MAML3: variants seen among roughly 807,000 people sequenced by gnomAD.
The protein encoded by MAML3 is mastermind like transcriptional coactivator 3.
Under a neutral mutation model 101.9 loss-of-function variants are expected in MAML3, and 27 were observed. That is an observed-to-expected ratio of 0.27 (90% CI 0.20 to 0.37). The LOEUF is 0.37. Among genes scored for constraint, MAML3 ranks in the 10% least tolerant of loss-of-function variants. The pLI is 1.00. For synonymous variants in MAML3, 501 were observed against 555.9 expected (o/e 0.90, Z 1.39); for missense variants, 1,316 against 1,444.9 (o/e 0.91, Z 1.45).
chr4:140,055,834 C>G (rs1487348328), intron 1 of MAML3, among the ~76,000 whole-genome samples: 1 of 149,378 alleles, frequency 6.7e-6, no homozygotes, highest in Admixed American at 6.7e-5. Flanking sequence ...ACACTGGTCA[C>G]CAAATGAAGG....
chr4:139,767,171 A>T (rs763094701), intron 2 of MAML3, among the ~76,000 whole-genome samples: 6 of 152,234 alleles, frequency 3.9e-5, no homozygotes, highest in Non-Finnish European at 7.3e-5. Flanking sequence ...TAACCAAAAA[A>T]GTCCACATTG....
intron 1 of MAML3, among the ~76,000 whole-genome samples, chr4:140,091,722 G>T (rs917951323): frequency 6.6e-6 from 1 of 152,002 alleles, no homozygotes; most frequent in East Asian, 1.9e-4. Flanking sequence ...TAGTTCAAGG[G>T]TTTGTTTAGT....
intron 2 of MAML3, among the ~76,000 whole-genome samples, chr4:139,749,570 C>T (rs1729433762): frequency 6.6e-6 from 1 of 152,144 alleles, no homozygotes; most frequent in Non-Finnish European, 1.5e-5. Flanking sequence ...GGGCGCCGAT[C>T]AGAGAAATCT....
intron 1 of MAML3, among the ~76,000 whole-genome samples, chr4:140,090,594 C>T (rs1728027188): frequency 1.3e-5 from 2 of 152,182 alleles, no homozygotes; most frequent in South Asian, 4.1e-4. Flanking sequence ...GGTCAACTGG[C>T]CCGTGGGTGG....
At chr4:139,940,184 T>C (rs1733576544) in intron 1 of MAML3, among the ~76,000 whole-genome samples, 1 of 152,206 alleles carries the variant, frequency 6.6e-6, no homozygotes, top group African/African-American at 2.4e-5. Flanking sequence ...AGGTGTATCC[T>C]TACAGTCTTC....
intron 1 of MAML3, among the ~76,000 whole-genome samples, chr4:139,960,071 A>G (rs969870004): frequency 1.3e-5 from 2 of 152,154 alleles, no homozygotes; most frequent in Non-Finnish European, 2.9e-5. Context: ...GAGGAAAGGA[A>G]AGCTCGTGAT....
At chr4:140,127,618 A>G (rs1365778872) in intron 1 of MAML3, among the ~76,000 whole-genome samples, 2 of 152,168 alleles carry the variant, frequency 1.3e-5, no homozygotes, top group Non-Finnish European at 2.9e-5. Flanking sequence ...GCCTGCCATC[A>G]TGAGGCACAA....
chr4:140,138,559 G>T (rs904569858), intron 1 of MAML3, among the ~76,000 whole-genome samples: 7 of 152,114 alleles, frequency 4.6e-5, no homozygotes, highest in Admixed American at 4.6e-4. Context: ...AACCCATGAG[G>T]TGCTGATCTG....
chr4:139,822,266 A>ACCACCC, intron 2 of MAML3, among the ~76,000 whole-genome samples: 1 of 131,626 alleles, frequency 7.6e-6, no homozygotes, highest in Non-Finnish European at 1.6e-5. Flanking sequence ...CACCACCACC[A>ACCACCC]CCACCATCAT....
intron 1 of MAML3, among the ~76,000 whole-genome samples, chr4:139,936,885 A>G (rs1276922403): frequency 6.6e-6 from 1 of 152,162 alleles, no homozygotes; most frequent in African/African-American, 2.4e-5. Context: ...TCAAGAACCA[A>G]GGCCATTAGA....
intron 4 of MAML3, among the ~76,000 whole-genome samples, chr4:139,724,867 TTGTGCCTCAACC>T (rs1728401769): frequency 6.6e-6 from 1 of 151,956 alleles, no homozygotes; most frequent in Non-Finnish European, 1.5e-5. Context: ...CAAGCGATTC[TTGTGCCTCAACC>T]TCCTAAGTAA....
intron 1 of MAML3, among the ~76,000 whole-genome samples, chr4:139,894,724 C>T (rs961425469): frequency 4.8e-4 from 39 of 80,780 alleles, no homozygotes; most frequent in Non-Finnish European, 9.6e-4. Flanking sequence ...TAGAATTTGA[C>T]GGAAAAAAAA....
chr4:139,956,362 A>G (rs1186612602), intron 1 of MAML3, among the ~76,000 whole-genome samples: 1 of 152,220 alleles, frequency 6.6e-6, no homozygotes, highest in Non-Finnish European at 1.5e-5. Context: ...TCATTGCTTC[A>G]TCGTTCTTAA....
chr4:139,877,298 AAATAT>A (rs34634175), intron 2 of MAML3, among the ~76,000 whole-genome samples: 52,164 of 151,476 alleles, frequency 0.34, 9,539 homozygotes, highest in Non-Finnish European at 0.41. Context: ...CCAGGAACCA[AAATAT>A]AATAGAGTAT....
At chr4:139,727,279 G>T (rs1216189877) in intron 3 of MAML3, among the ~76,000 whole-genome samples, 1 of 152,198 alleles carries the variant, frequency 6.6e-6, no homozygotes, top group African/African-American at 2.4e-5. Context: ...TTAATTGATT[G>T]TGTAGACCAT....
intron 3 of MAML3, among the ~76,000 whole-genome samples, chr4:139,727,361 C>G (rs1728515351): frequency 6.6e-6 from 1 of 152,210 alleles, no homozygotes; most frequent in Non-Finnish European, 1.5e-5. Context: ...GTAAGCTGAG[C>G]ATTTAACAGC....
chr4:139,773,211 C>T (rs1449538331), intron 2 of MAML3, among the ~76,000 whole-genome samples: 2 of 152,000 alleles, frequency 1.3e-5, no homozygotes, highest in African/African-American at 2.4e-5. Flanking sequence ...TCACCATACG[C>T]TCATGAAGAC....
chr4:140,068,912 T>C (rs1370060850), intron 1 of MAML3, among the ~76,000 whole-genome samples: 1 of 152,212 alleles, frequency 6.6e-6, no homozygotes, highest in Admixed American at 6.5e-5. Flanking sequence ...CTGGTTTCTA[T>C]CTTCCTCTCT....
At chr4:140,143,374 C>T (rs1021461289) in intron 1 of MAML3, among the ~76,000 whole-genome samples, 3 of 152,184 alleles carry the variant, frequency 2.0e-5, no homozygotes, top group Non-Finnish European at 2.9e-5. Context: ...ATGAAAGTCA[C>T]TCATTAAAAT....
Sources: gnomAD v4.1 joint callset for allele counts (sites outside exome capture counted in the v4.1 genomes callset) on GRCh38, gnomAD v4.1.1 for gene constraint, MANE v1.5 for transcripts, NCBI Gene and HGNC (gene_info 2026-07-23, HGNC 2026-07-21) for gene names.